TLR10: variants seen among roughly 807,000 people sequenced by gnomAD.
The protein encoded by TLR10 is toll-like receptor 10.
For missense variants in TLR10, 929 were observed against 932.9 expected (o/e 1.00, Z 0.05); for synonymous variants, 288 against 338.8 (o/e 0.85, Z 1.65).
intron 1 of TLR10, among the ~76,000 whole-genome samples, chr4:38,780,488 A>G (rs1404072813): frequency 1.4e-5 from 2 of 143,166 alleles, no homozygotes; most frequent in African/African-American, 2.6e-5. Context: ...CTCATTAGCT[A>G]TGTACTCGGA....
chr4:38,779,745 T>A (rs1725278648), intron 1 of TLR10, among the ~76,000 whole-genome samples: 1 of 152,226 alleles, frequency 6.6e-6, no homozygotes, highest in African/African-American at 2.4e-5. Context: ...AATATCTTAA[T>A]TTCCATGCCA....
At chr4:38,777,765 G>T (rs1725147094) in intron 1 of TLR10, among the ~76,000 whole-genome samples, 3 of 152,192 alleles carry the variant, frequency 2.0e-5, no homozygotes, top group African/African-American at 7.2e-5. Context: ...TCTCATGCCT[G>T]TTAGAATGGT....
At chr4:38,781,365 C>A (rs943544061) in intron 1 of TLR10, among the ~76,000 whole-genome samples, 1 of 150,680 alleles carries the variant, frequency 6.6e-6, no homozygotes. Flanking sequence ...GATGGAGTCT[C>A]GCTCTGTTGC....
Position 38,778,954 on chromosome 4 carries a change from G to T in TLR10, c.-568-2528C>A, listed in dbSNP as rs1321667326. The T allele has an allele frequency of 3.9e-5, 6 of 152,224 alleles. No homozygotes were observed. In the East Asian group the frequency reaches 9.6e-4, roughly 24 times the overall value. The allele number at this position is 152,224 out of a possible 1,614,324, so 9.4% of individuals were successfully genotyped here. A position where few individuals can be genotyped will look rare whatever the true frequency, so the allele number is the denominator to read the frequency against. On this transcript the variant is annotated intron_variant, in intron 1 of 3. Transcript: ENST00000308973. ...AGGTGGGGCAGAATCAAAACATAAGGCCACTTAGAATGTTACCTCTCTCTC... is the reference window on the plus strand; with the variant it reads ...AGGTGGGGCAGAATCAAAACATAAGTCCACTTAGAATGTTACCTCTCTCTC...
intron 1 of TLR10, among the ~76,000 whole-genome samples, chr4:38,776,634 C>T (rs11466642): frequency 0.034 from 5,216 of 152,234 alleles, 138 homozygotes; most frequent in South Asian, 0.098. Context: ...TTGGATTAGA[C>T]GTAGAACAGA....
chr4:38,772,990 G>GTTTATAA lies in TLR10; in HGVS notation c.*164_*165insTTATAAA. 1 of 566,404 alleles carries GTTTATAA rather than the reference G, an allele frequency of 1.8e-6. No individual in the cohort carries two copies. The allele number at this position is 566,404 out of a possible 1,614,324, so 35.1% of individuals were successfully genotyped here. ...CCATAAGCCCTTATAAACTTGTGAA[G>GTTTATAA]GTGTTTCTATAGGATACATTCTTAG... On this transcript the variant is annotated 3_prime_UTR_variant, in exon 4 of 4. Transcript: ENST00000308973.
intron 1 of TLR10, among the ~76,000 whole-genome samples, chr4:38,776,686 G>C (rs948767225): frequency 6.6e-6 from 1 of 152,170 alleles, no homozygotes; most frequent in Non-Finnish European, 1.5e-5. Flanking sequence ...CATTATTCAA[G>C]ATATTTATTA....
In TLR10 at chr4:38,774,324, C is replaced by T. The variant is rs775461698; in HGVS notation, c.1267G>A (p.Val423Met). ...TTGTATGACAGATTCATATTGACCA[C>T]AGTTTCTGGCCATGAGCAATTTTCA... ...NDENCSWPET[V>M]VNMNLSYNKL... is the part of the protein sequence containing the mutation. The change falls in exon 4 of 4, where the codon GTG (valine) becomes ATG (methionine). Residue 423 changes from valine to methionine, a missense_variant. Coordinates refer to ENST00000308973, the MANE Select transcript of TLR10 (RefSeq NM_030956.4). The T allele has an allele frequency of 6.2e-7, 1 of 1,611,094 alleles. No homozygotes were observed. Among genetic ancestry groups the T allele is most frequent in the South Asian group, 1.1e-5 (1 of 90,150 alleles).
At position 38,773,396 on chromosome 4, in the gene TLR10, G is replaced by A; in HGVS notation, c.2195C>T (p.Pro732Leu). 1 of 1,613,726 alleles carries A rather than the reference G, an allele frequency of 6.2e-7. No homozygotes were observed. Among genetic ancestry groups the A allele is most frequent in the Non-Finnish European group, 8.5e-7 (1 of 1,179,924 alleles). ...SDHIILILLE[P>L]IPFYCIPTRY... Reference sequence around the variant, plus strand: ...GGTGGGAATGCAATAGAATGGAATGGGTTCCAGTAAGATAAGAATTATATG... The same window carrying A: ...GGTGGGAATGCAATAGAATGGAATGAGTTCCAGTAAGATAAGAATTATATG... The change falls in exon 4 of 4, where the codon CCC (proline) becomes CTC (leucine). Residue 732 changes from proline to leucine, a missense_variant. Transcript: ENST00000308973.
rs1560443302 is a variant in TLR10 at position 38,774,707 on chromosome 4, GAGT to G, written c.881_883del (p.Tyr294del). On this transcript the variant is annotated inframe_deletion, in exon 4 of 4. Transcript: ENST00000308973. Reference sequence around the variant, plus strand: ...TTTTATAGTTCTCATTACAGTATTTGAGTAGTCAAATGAATTGTGGTCAAGATA... The same window carrying G: ...TTTTATAGTTCTCATTACAGTATTTGAGTCAAATGAATTGTGGTCAAGATA... 1 of 1,577,796 alleles carries G rather than the reference GAGT, an allele frequency of 6.3e-7. No homozygotes were observed. Among genetic ancestry groups the G allele is most frequent in the Non-Finnish European group, 8.6e-7 (1 of 1,166,984 alleles).
At position 38,782,624 on chromosome 4, in the gene TLR10, GA is replaced by G. The variant is rs1308441179; in HGVS notation, c.-569+296del. On this transcript the variant is annotated intron_variant, in intron 1 of 3. Transcript: ENST00000308973. ...ATACGCTGTGGGGAAATAAGAGCTA[GA>G]AAAAACTTGCCACAGTGCATAGGAC... 1.3e-5 allele frequency among the ~76,000 whole-genome samples: 2 copies of G among 152,138 alleles called. 1 individual carries two copies. Among genetic ancestry groups the G allele is most frequent in the Admixed American group, 1.3e-4 (2 of 15,276 alleles).
intron 1 of TLR10, among the ~76,000 whole-genome samples, chr4:38,779,471 T>A (rs1028030555): frequency 5.3e-5 from 8 of 152,212 alleles, no homozygotes; most frequent in African/African-American, 1.7e-4. Context: ...CATTAATATG[T>A]AAATATAACA....
chr4:38,779,661 T>TATCCAATGTATAATGGATA (rs1725273443), intron 1 of TLR10, among the ~76,000 whole-genome samples: 1 of 152,256 alleles, frequency 6.6e-6, no homozygotes, highest in African/African-American at 2.4e-5. Flanking sequence ...ATTATTGTGT[T>TATCCAATGTATAATGGATA]CATAGTATCC....
chr4:38,782,304 T>C (rs1200426500), intron 1 of TLR10, among the ~76,000 whole-genome samples: 1 of 152,182 alleles, frequency 6.6e-6, no homozygotes, highest in Non-Finnish European at 1.5e-5. Flanking sequence ...AGAATTGAAA[T>C]AAAACTCGAA....
intron 1 of TLR10, among the ~76,000 whole-genome samples, chr4:38,777,682 A>G (rs1054656518): frequency 1.1e-4 from 16 of 152,248 alleles, no homozygotes; most frequent in African/African-American, 3.9e-4. Context: ...TATGCAGCCA[A>G]CAAACATATG....
chr4:38,776,889 G>A (rs917504235), intron 1 of TLR10, among the ~76,000 whole-genome samples: 1 of 152,150 alleles, frequency 6.6e-6, no homozygotes, highest in Non-Finnish European at 1.5e-5. Context: ...GGTGGAAGGC[G>A]AATGAGGAGC....
chr4:38,779,149 C>G (rs755759263), intron 1 of TLR10: 5 of 152,194 alleles, frequency 3.3e-5, no homozygotes, highest in Admixed American at 6.5e-5. Context: ...ATCTTGGGAA[C>G]ACATATGATC....
intron 1 of TLR10, among the ~76,000 whole-genome samples, chr4:38,778,689 G>C (rs1204506940): frequency 2.6e-5 from 4 of 152,116 alleles, no homozygotes; most frequent in Non-Finnish European, 5.9e-5. Flanking sequence ...GTTAGTGGGG[G>C]AGTTTTTCTG....
intron 1 of TLR10, among the ~76,000 whole-genome samples, chr4:38,780,957 C>T (rs1158028358): frequency 6.6e-6 from 1 of 152,134 alleles, no homozygotes; most frequent in Non-Finnish European, 1.5e-5. Flanking sequence ...GCCATGGCCC[C>T]TTAAGAATGC....
Sources: allele counts gnomAD v4.1 joint callset (sites outside exome capture counted in the v4.1 genomes callset), GRCh38; gene constraint gnomAD v4.1.1; transcripts MANE v1.5; gene names NCBI Gene and HGNC (gene_info 2026-07-23, HGNC 2026-07-21).